SPTBN1: variants seen among roughly 807,000 people sequenced by gnomAD.
The protein encoded by SPTBN1 is spectrin beta chain, non-erythrocytic 1.
SPTBN1 carries 32 observed loss-of-function variants against 266.4 expected under a neutral mutation model. That is an observed-to-expected ratio of 0.12 (90% CI 0.09 to 0.16). The LOEUF (loss-of-function observed/expected upper bound fraction) is 0.16. Ranked by LOEUF, SPTBN1 falls within the 10% of genes least tolerant of loss-of-function variation. SPTBN1 has a pLI of 1.00. For synonymous variants in SPTBN1, 1,336 were observed against 1,162.2 expected, an observed-to-expected ratio of 1.15 and a Z score of -3.04; for missense variants, 2,296 against 3,067.1, an observed-to-expected ratio of 0.75 and a Z score of 5.94.
intron 29 of SPTBN1, among the ~76,000 whole-genome samples, chr2:54,657,248 C>T (rs1680730852): frequency 6.6e-6 from 1 of 152,210 alleles, no homozygotes; most frequent in African/African-American, 2.4e-5. Context: ...ATATCCTTCC[C>T]TCCCTCTAAA....
In SPTBN1 at chr2:54,628,838, A is replaced by T; in HGVS notation, c.1799-95A>T. ...TACATTTAGCAGTGAGCTGGTAATC[A>T]TAAGAATATGGGGTGTAGCTTACTG... On this transcript the variant is annotated intron_variant, in intron 13 of 35. Transcript: ENST00000356805. This position sits in a 1 kb window ranked among gnomAD's most constrained non-coding sequence, Gnocchi z 4.3. 6.8e-7 allele frequency: 1 copy of T among 1,464,704 alleles called. No homozygotes were observed. Among genetic ancestry groups the T allele is most frequent in the Non-Finnish European group, 9.1e-7 (1 of 1,096,202 alleles). 90.7% of individuals were successfully genotyped at this position (1,464,704 alleles called of 1,614,324 possible). A position where few individuals can be genotyped will look rare whatever the true frequency, so the allele number is the denominator to read the frequency against.
At chr2:54,512,731 A>G (rs1326367708) in intron 1 of SPTBN1, among the ~76,000 whole-genome samples, 2 of 152,214 alleles carry the variant, frequency 1.3e-5, no homozygotes, top group Non-Finnish European at 2.9e-5. Flanking sequence ...CTGTGTAACA[A>G]TGAGAATTTT....
chr2:54,582,294 A>G (rs1189082875), intron 2 of SPTBN1, among the ~76,000 whole-genome samples: 1 of 152,102 alleles, frequency 6.6e-6, no homozygotes, highest in African/African-American at 2.4e-5. Context: ...GAAGGTGTCG[A>G]TCTTGGTTCT....
rs1371720433 is a variant in SPTBN1, at chr2:54,669,633, A to G, written c.*1064A>G. 1 of 152,628 alleles carries G rather than the reference A, an allele frequency of 6.6e-6. No individual in the cohort carries two copies. The highest frequency in any genetic ancestry group is 1.5e-5 in the Non-Finnish European group (1 of 68,048). 9.5% of individuals were successfully genotyped at this position (152,628 alleles called of 1,614,324 possible). On this transcript the variant is annotated 3_prime_UTR_variant, in exon 36 of 36. Coordinates refer to ENST00000356805, the MANE Select transcript of SPTBN1 (RefSeq NM_003128.3). ...ACCTGTACCTCTCAACTTTTGCCCT[A>G]TCTGTTAAATATATGCTATGTCATT...
chr2:54,652,686 G>T (rs1045563459), intron 26 of SPTBN1: 1 of 152,208 alleles, frequency 6.6e-6, no homozygotes, highest in Non-Finnish European at 1.5e-5. Flanking sequence ...GCTGTAGTCT[G>T]TTACACTCCT....
chr2:54,489,502 A>G (rs972338268), intron 1 of SPTBN1, among the ~76,000 whole-genome samples: 2 of 151,820 alleles, frequency 1.3e-5, no homozygotes, highest in African/African-American at 4.8e-5. Flanking sequence ...GGAGTTTGAG[A>G]CCAGCCTGGC....
chr2:54,569,746 T>G (rs73934453), intron 2 of SPTBN1, among the ~76,000 whole-genome samples: 3,592 of 152,242 alleles, frequency 0.024, 146 homozygotes, highest in African/African-American at 0.083. Context: ...TTAGGTGAGA[T>G]TCTGTGTGGA....
intron 17 of SPTBN1, among the ~76,000 whole-genome samples, chr2:54,635,263 C>A (rs1214376489): frequency 3.3e-5 from 5 of 152,226 alleles, no homozygotes; most frequent in Non-Finnish European, 7.3e-5. Context: ...GAGAGAATTT[C>A]CTGAGTTTCA....
At chr2:54,617,546 C>T in intron 5 of SPTBN1, 62 bp from the exon 6 acceptor site, 1 of 1,538,546 alleles carries the variant, frequency 6.5e-7, no homozygotes, top group Non-Finnish European at 9.0e-7. Flanking sequence ...AAGCACTTGG[C>T]AAAAGTATAA....
chr2:54,493,766 A>G (rs7605221), intron 1 of SPTBN1, among the ~76,000 whole-genome samples: 95,091 of 152,182 alleles, frequency 0.62, 30,958 homozygotes, highest in African/African-American at 0.81. Context: ...AAGTGCCAAC[A>G]TAGATATTTG....
At position 54,631,435 on chromosome 2, in the gene SPTBN1, CA is replaced by C; in HGVS notation, c.3389del (p.Gln1130ArgfsTer86). Reference protein sequence around the residue: ...KMRDMGEMVTQGQTDAQYMFL... With the variant: ...KMRDMGEMVTXGQTDAQYMFL... ...GAGGGACATGGGCGAGATGGTCACCCAGGGGCAGACCGATGCCCAGTACATG... is the reference window on the plus strand; with the variant it reads ...GAGGGACATGGGCGAGATGGTCACCCGGGGCAGACCGATGCCCAGTACATG... On this transcript the variant is annotated frameshift_variant, in exon 16 of 36. Coordinates refer to ENST00000356805, the MANE Select transcript of SPTBN1 (RefSeq NM_003128.3). LOFTEE classifies it high-confidence loss of function. 1 of 1,614,268 alleles carries C rather than the reference CA, an allele frequency of 6.2e-7. No individual in the cohort carries two copies.
In SPTBN1 at chr2:54,474,882, G is replaced by C. The variant is rs965392235; in HGVS notation, c.-48+18364G>C. Among the ~76,000 whole-genome samples, 13 of 152,234 alleles carry C rather than the reference G, an allele frequency of 8.5e-5. 1 individual carries two copies. In the South Asian group the frequency reaches 2.5e-3, roughly 29 times the overall value. On this transcript the variant is annotated intron_variant, in intron 1 of 35. Coordinates refer to ENST00000356805, the MANE Select transcript of SPTBN1 (RefSeq NM_003128.3). ...GAAAAAGTAAACTTTGTTTTCAAAA[G>C]TGGATGTAGGCTGGGCGCAGTGGCT...
chr2:54,569,426 T>C (rs1673904430), intron 2 of SPTBN1, among the ~76,000 whole-genome samples: 1 of 152,206 alleles, frequency 6.6e-6, no homozygotes, highest in Non-Finnish European at 1.5e-5. Flanking sequence ...GAAAGAAAAG[T>C]GAAAGAATAG....
chr2:54,589,072 C>T (rs911689578), intron 2 of SPTBN1, among the ~76,000 whole-genome samples: 1 of 152,154 alleles, frequency 6.6e-6, no homozygotes, highest in South Asian at 2.1e-4. Context: ...TTTTGTGTTA[C>T]AAACAATCCA....
chr2:54,669,862 A>C lies in SPTBN1; in HGVS notation c.*1293A>C, dbSNP rs2104289920. 6.6e-6 allele frequency: 1 copy of C among 152,356 alleles called. No individual in the cohort carries two copies. Among genetic ancestry groups the C allele is most frequent in the South Asian group, 2.1e-4 (1 of 4,826 alleles). 9.4% of individuals were successfully genotyped at this position (152,356 alleles called of 1,614,324 possible). A position where few individuals can be genotyped will look rare whatever the true frequency, so the allele number is the denominator to read the frequency against. ...ACAGTAATAAATGTGACTGTTTTGT[A>C]GTTATACATTCAGGCTTTATCTTTT... On this transcript the variant is annotated 3_prime_UTR_variant, in exon 36 of 36. Transcript: ENST00000356805.
At chr2:54,617,741 T>C in intron 6 of SPTBN1, 53 bp downstream of exon 6, 1 of 1,572,910 alleles carries the variant, frequency 6.4e-7, no homozygotes, top group Non-Finnish European at 8.7e-7. Flanking sequence ...TTGCTGTCCT[T>C]CCATAGCAGA....
At chr2:54,463,277 T>C (rs1253553897) in intron 1 of SPTBN1, among the ~76,000 whole-genome samples, 1 of 152,170 alleles carries the variant, frequency 6.6e-6, no homozygotes, top group Non-Finnish European at 1.5e-5. Flanking sequence ...GATTTCAAAT[T>C]TGAATAATGA....
chr2:54,660,651 CA>C (rs1253295666), intron 32 of SPTBN1: 1 of 985,314 alleles, frequency 1.0e-6, no homozygotes, highest in African/African-American at 1.7e-5. Context: ...TAATTTTAGG[CA>C]CACAATCTCA....
intron 1 of SPTBN1, among the ~76,000 whole-genome samples, chr2:54,519,118 G>A (rs1670277919): frequency 6.6e-6 from 1 of 152,140 alleles, no homozygotes; most frequent in Non-Finnish European, 1.5e-5. Flanking sequence ...GTACCAGAGT[G>A]GCAGCTCCAA....
Sources: gnomAD v4.1 joint callset for allele counts (sites outside exome capture counted in the v4.1 genomes callset) on GRCh38, gnomAD v4.1.1 for gene constraint, Gnocchi (gnomAD v3.1) non-coding constraint, MANE v1.5 for transcripts, NCBI Gene and HGNC (gene_info 2026-07-23, HGNC 2026-07-21) for gene names.